Variants in KCNN2 observed in about 807,000 individuals in gnomAD.
KCNN2 encodes potassium calcium-activated channel subfamily N member 2.
Under a neutral mutation model 55.5 loss-of-function variants are expected in KCNN2, and 24 were observed. The observed-to-expected ratio is 0.43, with a 90% CI of 0.31 to 0.61. KCNN2 has a LOEUF of 0.61. KCNN2 is among the 20% of genes least tolerant of loss of function. KCNN2 has a pLI of 0.08. For synonymous variants in KCNN2, 431 were observed against 336.1 expected, an observed-to-expected ratio of 1.28 and a Z score of -3.09; for missense variants, 754 against 853.6, an observed-to-expected ratio of 0.88 and a Z score of 1.45.
chr5:114,175,533 G>C lies in KCNN2; in HGVS notation c.-270-45947G>C, dbSNP rs968379719. On this transcript the variant is annotated intron_variant, in intron 1 of 10. Transcript: ENST00000512097. Reference sequence around the variant, plus strand: ...TTTGTTGATATACTCAAAGAGAAAGGCCTGATAGTATTATTTTTATGCTGA... The same window carrying C: ...TTTGTTGATATACTCAAAGAGAAAGCCCTGATAGTATTATTTTTATGCTGA... 9.2e-5 allele frequency among the ~76,000 whole-genome samples: 14 copies of C among 152,184 alleles called. No homozygotes were observed. The South Asian group carries it at 2.1e-3, about 23-fold the overall frequency.
At chr5:114,402,043 A>C (rs1052942108) in intron 2 of KCNN2, among the ~76,000 whole-genome samples, 1 of 152,214 alleles carries the variant, frequency 6.6e-6, no homozygotes, top group Non-Finnish European at 1.5e-5. Context: ...GTGAGAGAAA[A>C]GTCAGAGATG....
intron 5 of KCNN2, among the ~76,000 whole-genome samples, chr5:114,477,426 A>C (rs1762021140): frequency 6.6e-6 from 1 of 152,172 alleles, no homozygotes; most frequent in Non-Finnish European, 1.5e-5. Context: ...TTGAAAGTAG[A>C]ATACTATTTA....
chr5:114,368,075 T>C (rs1757655674), intron 2 of KCNN2, among the ~76,000 whole-genome samples: 1 of 152,146 alleles, frequency 6.6e-6, no homozygotes, highest in South Asian at 2.1e-4. Context: ...GTAAATATAG[T>C]GGGCCCTCCA....
chr5:114,468,190 AC>A (rs1376038420), intron 4 of KCNN2, among the ~76,000 whole-genome samples: 2 of 151,876 alleles, frequency 1.3e-5, no homozygotes, highest in African/African-American at 4.8e-5. Flanking sequence ...CTTCCTTGAA[AC>A]TTATTTATTT....
intron 3 of KCNN2, among the ~76,000 whole-genome samples, chr5:114,417,673 A>T (rs1759348765): frequency 2.0e-5 from 3 of 152,174 alleles, no homozygotes; most frequent in Admixed American, 2.0e-4. Flanking sequence ...TCAGGAAAAG[A>T]ACCAGGGGGA....
At chr5:114,146,342 A>G (rs776920630) in intron 1 of KCNN2, among the ~76,000 whole-genome samples, 1 of 152,166 alleles carries the variant, frequency 6.6e-6, no homozygotes, top group South Asian at 2.1e-4. Context: ...TCTTTCTACA[A>G]TAGCTTGGCT....
intron 1 of KCNN2, among the ~76,000 whole-genome samples, chr5:114,105,423 C>T (rs1335431107): frequency 6.6e-6 from 1 of 152,022 alleles, no homozygotes; most frequent in African/African-American, 2.4e-5. Context: ...GTCTCATTTG[C>T]TTCTGGTATT....
chr5:114,379,015 G>A (rs917677811), intron 2 of KCNN2, among the ~76,000 whole-genome samples: 4 of 152,064 alleles, frequency 2.6e-5, no homozygotes, highest in Non-Finnish European at 2.9e-5. Flanking sequence ...TATATTTCAT[G>A]CAAATAATCT....
At chr5:114,154,606 A>G (rs1188609122) in intron 1 of KCNN2, among the ~76,000 whole-genome samples, 1 of 152,188 alleles carries the variant, frequency 6.6e-6, no homozygotes. Context: ...CAGATGGACT[A>G]TATAAATCAG....
Position 114,123,363 on chromosome 5 carries a change from T to A in KCNN2, c.-271+66863T>A, listed in dbSNP as rs370908921. On this transcript the variant is annotated intron_variant, in intron 1 of 10. Transcript: ENST00000512097. ...GTACATTTTCTTAATTTTTTTTTTT[T>A]TTTTTTTTTTTTTTTTTGAGACAGA... Among the ~76,000 whole-genome samples the A allele has an allele frequency of 2.0e-3, 112 of 56,558 alleles. 28 individuals are homozygous for A. Among genetic ancestry groups the A allele is most frequent in the African/African-American group, 0.012 (105 of 8,618 alleles). The allele number at this position is 56,558 out of a possible 152,430, so 37.1% of individuals were successfully genotyped here.
At chr5:114,183,044 G>A (rs542153755) in intron 1 of KCNN2, among the ~76,000 whole-genome samples, 4 of 152,142 alleles carry the variant, frequency 2.6e-5, no homozygotes, top group East Asian at 1.9e-4. Context: ...CTTACTTTCT[G>A]TTCCTGGCTT....
chr5:114,116,917 C>T (rs1412796548), intron 1 of KCNN2, among the ~76,000 whole-genome samples: 1 of 152,112 alleles, frequency 6.6e-6, no homozygotes, highest in African/African-American at 2.4e-5. Flanking sequence ...ATATTGCCAT[C>T]TGCTTCCATG....
chr5:114,442,430 T>C (rs1760252818), intron 3 of KCNN2, among the ~76,000 whole-genome samples: 1 of 152,110 alleles, frequency 6.6e-6, no homozygotes, highest in African/African-American at 2.4e-5. Flanking sequence ...TACCTGGTTA[T>C]AGGGGCTGAA....
intron 1 of KCNN2, among the ~76,000 whole-genome samples, chr5:114,125,545 A>G (rs888978601): frequency 2.0e-5 from 3 of 152,130 alleles, no homozygotes; most frequent in Admixed American, 1.3e-4. Flanking sequence ...AAAAAAATCT[A>G]TTCTCCCACA....
At chr5:114,184,953 T>C (rs929128570) in intron 1 of KCNN2, among the ~76,000 whole-genome samples, 2 of 152,148 alleles carry the variant, frequency 1.3e-5, no homozygotes, top group Non-Finnish European at 2.9e-5. Flanking sequence ...TTACAACAAA[T>C]AAGTTTTAAT....
chr5:114,459,602 C>CTGAT (rs1028339129), intron 3 of KCNN2, among the ~76,000 whole-genome samples: 1 of 152,084 alleles, frequency 6.6e-6, no homozygotes, highest in Non-Finnish European at 1.5e-5. Flanking sequence ...AATTTGGTTC[C>CTGAT]TGATTACCTC....
In KCNN2 at chr5:114,213,479, A is replaced by C. The variant is rs181115927; in HGVS notation, c.-270-8001A>C. Reference sequence around the variant, plus strand: ...CCAATAAATTGTCAAGAAAGAGTTTATGAGTGGTTTTTGTTTTGTTTTTGT... The same window carrying C: ...CCAATAAATTGTCAAGAAAGAGTTTCTGAGTGGTTTTTGTTTTGTTTTTGT... On this transcript the variant is annotated intron_variant, in intron 1 of 10. Coordinates refer to the KCNN2 transcript ENST00000512097. 2.1e-3 allele frequency among the ~76,000 whole-genome samples: 314 copies of C among 150,488 alleles called. 1 individual carries two copies. The highest frequency in any genetic ancestry group is 7.1e-3 in the African/African-American group (291 of 40,912).
chr5:114,322,283 A>G (rs1358606483), intron 2 of KCNN2, among the ~76,000 whole-genome samples: 1 of 152,186 alleles, frequency 6.6e-6, no homozygotes, highest in Non-Finnish European at 1.5e-5. Context: ...CATTTATTGG[A>G]AGACAAATAA....
At position 114,076,037 on chromosome 5, in the gene KCNN2, C is replaced by G. The variant is rs188309814; in HGVS notation, c.-271+19537C>G. Among the ~76,000 whole-genome samples the G allele has an allele frequency of 2.0e-4, 30 of 152,362 alleles. No individual in the cohort carries two copies. In the East Asian group the frequency reaches 4.8e-3, roughly 24 times the overall value. ...ATTTAGAATAGTTTGTTACGCACCA[C>G]TACTAATAGTTTGTTAGGCAGCAAT... On this transcript the variant is annotated intron_variant, in intron 1 of 10. Coordinates refer to the KCNN2 transcript ENST00000512097.
Sources: allele counts gnomAD v4.1 joint callset (sites outside exome capture counted in the v4.1 genomes callset), GRCh38; gene constraint gnomAD v4.1.1; transcripts MANE v1.5; gene names NCBI Gene and HGNC (gene_info 2026-07-23, HGNC 2026-07-21).